Variants in SOBP observed in about 807,000 individuals in gnomAD.
SOBP encodes sine oculis-binding protein homolog.
Under a neutral mutation model 53.6 loss-of-function variants are expected in SOBP, and 4 were observed. That is an observed-to-expected ratio of 0.07 (90% CI 0.04 to 0.17). SOBP has a LOEUF of 0.17. Ranked by LOEUF, SOBP falls within the 10% of genes least tolerant of loss-of-function variation. The probability of loss-of-function intolerance (pLI) is 1.00; values close to 1 mark genes in which losing one functional copy is unlikely to be tolerated. For synonymous variants in SOBP, 584 were observed against 522.6 expected (o/e 1.12, Z -1.60); for missense variants, 1,088 against 1,204.7 (o/e 0.90, Z 1.43).
At chr6:107,640,870 G>A (rs1253204064) in intron 6 of SOBP, among the ~76,000 whole-genome samples, 2 of 152,200 alleles carry the variant, frequency 1.3e-5, no homozygotes, top group African/African-American at 2.4e-5. Flanking sequence ...CACCCACTCA[G>A]GGTCATGCTA....
intron 6 of SOBP, among the ~76,000 whole-genome samples, chr6:107,649,071 A>C (rs2115172258): frequency 6.9e-6 from 1 of 145,560 alleles, no homozygotes; most frequent in Middle Eastern, 3.7e-3. Context: ...CAGGAGGCTG[A>C]GGCCCAGGAG....
rs988456077 is a variant in SOBP at position 107,659,357 on chromosome 6, C to T, written c.*1154C>T. On this transcript the variant is annotated 3_prime_UTR_variant, in exon 7 of 7. Transcript: ENST00000317357. ...TGGGTGGAGGATAACAGGGTAGATT[C>T]ACTTGTGTGCACTTGTACAGTTGTA... The T allele has an allele frequency of 4.5e-4, 68 of 152,628 alleles. No homozygotes were observed. The highest frequency in any genetic ancestry group is 3.4e-3 in the Middle Eastern group (1 of 294). The allele number at this position is 152,628 out of a possible 1,614,324, so 9.5% of individuals were successfully genotyped here.
intron 3 of SOBP, among the ~76,000 whole-genome samples, chr6:107,521,496 CAT>C (rs1783484302): frequency 6.6e-6 from 1 of 152,122 alleles, no homozygotes; most frequent in Non-Finnish European, 1.5e-5. Flanking sequence ...ATCCAGGTCT[CAT>C]ATGCAGGCAG....
Position 107,494,878 on chromosome 6 carries a change from A to C in SOBP, c.96+4166A>C, listed in dbSNP as rs319050. Among the ~76,000 whole-genome samples, 755 of 152,300 alleles carry C rather than the reference A, an allele frequency of 5.0e-3. 1 individual carries two copies. The highest frequency in any genetic ancestry group is 8.1e-3 in the Non-Finnish European group (548 of 68,022). ...TTCTGATGGTCTCAATTTGGCATTA[A>C]AAATAACCTGTGTCAATTGCACAGA... On this transcript the variant is annotated intron_variant, in intron 1 of 6. Coordinates refer to ENST00000317357, the MANE Select transcript of SOBP (RefSeq NM_018013.4).
intron 4 of SOBP, among the ~76,000 whole-genome samples, chr6:107,585,359 C>T (rs1785533389): frequency 6.6e-6 from 1 of 152,194 alleles, no homozygotes; most frequent in Non-Finnish European, 1.5e-5. Context: ...TTTCTTACAA[C>T]TGCCTTTCAT....
intron 3 of SOBP, chr6:107,529,572 TCCATTAATG>T: frequency 3.0e-6 from 3 of 985,354 alleles, no homozygotes; most frequent in Non-Finnish European, 3.6e-6. Flanking sequence ...TTGCCTGGAG[TCCATTAATG>T]CCCTACTGAT....
chr6:107,602,099 T>C (rs1786200339), intron 5 of SOBP, among the ~76,000 whole-genome samples: 1 of 152,240 alleles, frequency 6.6e-6, no homozygotes, highest in Non-Finnish European at 1.5e-5. Context: ...TCTCTCCTTC[T>C]CTTTTTTTCC....
chr6:107,585,975 A>G (rs1785553073), intron 4 of SOBP, among the ~76,000 whole-genome samples: 1 of 152,148 alleles, frequency 6.6e-6, no homozygotes. Context: ...ATCCATACAT[A>G]ACAACAGGTA....
chr6:107,620,089 C>T (rs75530122), intron 5 of SOBP, among the ~76,000 whole-genome samples: 22 of 152,202 alleles, frequency 1.4e-4, no homozygotes, highest in African/African-American at 5.1e-4. Flanking sequence ...GCCACTCATC[C>T]CTGTGGTGTC....
chr6:107,516,880 T>C lies in SOBP; in HGVS notation c.421+10453T>C, dbSNP rs191519614. Among the ~76,000 whole-genome samples, 5 of 152,218 alleles carry C rather than the reference T, an allele frequency of 3.3e-5. No homozygotes were observed. In the East Asian group the frequency reaches 5.8e-4, roughly 18 times the overall value. On this transcript the variant is annotated intron_variant, in intron 3 of 6. Coordinates refer to ENST00000317357, the MANE Select transcript of SOBP (RefSeq NM_018013.4). ...AGAAATTAAAGAAGACCTAAATCAA[T>C]AGAGGGACATACCATGTTTATAGAT...
At chr6:107,497,679 A>T (rs1343396636) in intron 1 of SOBP, among the ~76,000 whole-genome samples, 2 of 152,158 alleles carry the variant, frequency 1.3e-5, no homozygotes, top group Non-Finnish European at 2.9e-5. Context: ...ATAGCTTTTC[A>T]TGGCAATAAA....
intron 5 of SOBP, among the ~76,000 whole-genome samples, chr6:107,627,837 G>T (rs1770530697): frequency 6.6e-6 from 1 of 152,118 alleles, no homozygotes; most frequent in South Asian, 2.1e-4. Flanking sequence ...CTATGACTAG[G>T]TCATCTTTTT....
chr6:107,548,940 A>T (rs544305324), intron 4 of SOBP, among the ~76,000 whole-genome samples: 2 of 151,998 alleles, frequency 1.3e-5, no homozygotes, highest in Admixed American at 6.6e-5. Context: ...TTATTTCTAA[A>T]AAATAAATAA....
intron 5 of SOBP, among the ~76,000 whole-genome samples, chr6:107,589,389 C>G (rs1785671490): frequency 6.6e-6 from 1 of 152,148 alleles, no homozygotes; most frequent in African/African-American, 2.4e-5. Context: ...TACTGACTCT[C>G]TAATGTCTCT....
intron 4 of SOBP, among the ~76,000 whole-genome samples, chr6:107,578,632 G>A (rs1785311932): frequency 6.6e-6 from 1 of 152,176 alleles, no homozygotes; most frequent in African/African-American, 2.4e-5. Flanking sequence ...ATGTATGAGT[G>A]TGTGCATTAA....
chr6:107,533,254 T>A (rs2114987515), intron 3 of SOBP, among the ~76,000 whole-genome samples: 1 of 136,468 alleles, frequency 7.3e-6, no homozygotes, highest in East Asian at 2.1e-4. Flanking sequence ...GTAAATGTCT[T>A]TTGGAAACTT....
At chr6:107,615,966 G>A (rs1449804753) in intron 5 of SOBP, among the ~76,000 whole-genome samples, 2 of 151,008 alleles carry the variant, frequency 1.3e-5, no homozygotes, top group African/African-American at 4.9e-5. Context: ...AGGCTGCAGC[G>A]AGCTAGGATC....
At chr6:107,590,718 T>C (rs1240036104) in intron 5 of SOBP, among the ~76,000 whole-genome samples, 2 of 152,158 alleles carry the variant, frequency 1.3e-5, no homozygotes, top group Non-Finnish European at 2.9e-5. Flanking sequence ...AAAACTACTT[T>C]AGTTTTATGG....
intron 4 of SOBP, among the ~76,000 whole-genome samples, chr6:107,560,392 A>G (rs1784740287): frequency 6.6e-6 from 1 of 152,092 alleles, no homozygotes; most frequent in South Asian, 2.1e-4. Flanking sequence ...CTTGAAGTCC[A>G]CCTGCTCCCT....
Sources: allele counts gnomAD v4.1 joint callset (sites outside exome capture counted in the v4.1 genomes callset), GRCh38; gene constraint gnomAD v4.1.1; transcripts MANE v1.5; gene names NCBI Gene and HGNC (gene_info 2026-07-23, HGNC 2026-07-21).